The following AK8 variants were observed in gnomAD, a reference collection of about 807,000 sequenced individuals.
AK8 encodes the protein adenylate kinase 8, also known as ATP-AMP transphosphorylase 8.
Under a neutral mutation model 54.6 loss-of-function variants are expected in AK8, and 44 were observed. The observed-to-expected ratio is 0.81, with a 90% CI of 0.63 to 1.04. The LOEUF (loss-of-function observed/expected upper bound fraction) is 1.04, where lower values mean the gene tolerates loss of function less well. Among genes scored for constraint, AK8 ranks in the 50% least tolerant of loss-of-function variants. AK8 has a pLI of 0.00. For missense variants in AK8, 555 were observed against 613.6 expected, an observed-to-expected ratio of 0.90 and a Z score of 1.01; for synonymous variants, 239 against 245.6, an observed-to-expected ratio of 0.97 and a Z score of 0.25.
chr9:132,819,345 C>T (rs771701953), intron 9 of AK8, among the ~76,000 whole-genome samples: 4 of 152,106 alleles, frequency 2.6e-5, no homozygotes, highest in Admixed American at 6.5e-5. Flanking sequence ...GCAAATACTA[C>T]GCCATTTTGT....
chr9:132,743,513 C>G (rs901475094), intron 11 of AK8, among the ~76,000 whole-genome samples: 1 of 152,222 alleles, frequency 6.6e-6, no homozygotes, highest in African/African-American at 2.4e-5. Context: ...CGCTACCCAC[C>G]GCCAGATTCC....
At chr9:132,845,560 C>T (rs147625108) in intron 5 of AK8, among the ~76,000 whole-genome samples, 21 of 152,178 alleles carry the variant, frequency 1.4e-4, no homozygotes, top group East Asian at 3.9e-4. Context: ...GAGGCCCAGG[C>T]GAGGGGATCA....
chr9:132,805,188 C>T (rs746195709), intron 10 of AK8, among the ~76,000 whole-genome samples: 1 of 152,216 alleles, frequency 6.6e-6, no homozygotes, highest in African/African-American at 2.4e-5. Flanking sequence ...GGGCTGCCCA[C>T]GGAGAGGGAA....
chr9:132,832,850 T>C (rs1273717921), intron 5 of AK8, among the ~76,000 whole-genome samples: 1 of 152,184 alleles, frequency 6.6e-6, no homozygotes. Flanking sequence ...TGGAGTGTCA[T>C]TCTGGTGCAG....
At chr9:132,751,702 AAAG>A (rs940507048) in intron 11 of AK8, among the ~76,000 whole-genome samples, 1 of 151,912 alleles carries the variant, frequency 6.6e-6, no homozygotes, top group African/African-American at 2.4e-5. Context: ...AAATGCTCTC[AAAG>A]AAGTACTGTG....
intron 11 of AK8, among the ~76,000 whole-genome samples, chr9:132,746,805 C>A (rs1837674953): frequency 6.6e-6 from 1 of 152,118 alleles, no homozygotes; most frequent in African/African-American, 2.4e-5. Flanking sequence ...TCAGTCTCTG[C>A]CTCGAGGATG....
At chr9:132,763,437 AGTTTAGCCTAAG>A (rs999079838) in intron 11 of AK8, among the ~76,000 whole-genome samples, 8 of 152,258 alleles carry the variant, frequency 5.3e-5, no homozygotes, top group African/African-American at 1.9e-4. Flanking sequence ...TCTTCAATTA[AGTTTAGCCTAAG>A]GCTGCCATCT....
At chr9:132,814,878 CAAGTAAAAGTAAATATCAAA>C in intron 9 of AK8, 151 bp from the exon 10 acceptor site, 1 of 551,668 alleles carries the variant, frequency 1.8e-6, no homozygotes, top group South Asian at 2.8e-5. Flanking sequence ...GGTATGTGTC[CAAGTAAAAGTAAATATCAAA>C]AAGGAGCCGG....
chr9:132,797,806 C>T lies in AK8; in HGVS notation c.980-5031G>A, dbSNP rs117774371. Among the ~76,000 whole-genome samples the T allele has an allele frequency of 3.6e-3, 547 of 152,300 alleles. 2 individuals carry two copies. Among genetic ancestry groups the T allele is most frequent in the Admixed American group, 8.6e-3 (132 of 15,296 alleles). ...AAGTGACAAAGGACACAATCTCCCC[C>T]GAAGGCCATGGGCGGCTCTCCCTTT... On this transcript the variant is annotated intron_variant, in intron 10 of 12. Transcript: ENST00000298545.
chr9:132,859,158 T>A (rs1416419540), intron 4 of AK8, among the ~76,000 whole-genome samples: 1 of 152,218 alleles, frequency 6.6e-6, no homozygotes. Flanking sequence ...CAGGCAGGAC[T>A]GGGAAGCAAC....
intron 5 of AK8, among the ~76,000 whole-genome samples, chr9:132,854,462 C>A (rs919357470): frequency 3.3e-5 from 5 of 152,196 alleles, no homozygotes; most frequent in African/African-American, 1.2e-4. Flanking sequence ...TTCACTGGGT[C>A]TGGCAGGAGA....
rs1179728625 is a variant in AK8 at position 132,860,567 on chromosome 9, G to C, written c.333+3098C>G. Among the ~76,000 whole-genome samples the C allele has an allele frequency of 6.6e-6, 1 of 152,240 alleles. No individual in the cohort carries two copies. The highest frequency in any genetic ancestry group is 2.1e-4 in the South Asian group (1 of 4,836). On this transcript the variant is annotated intron_variant, in intron 4 of 12. Coordinates refer to ENST00000298545, the MANE Select transcript of AK8 (RefSeq NM_152572.3). The surrounding 1 kb of genome is among the most constrained non-coding windows in gnomAD (Gnocchi z 4.4). ...GGGGAGCTGGAGGTGTCTCTCTAGA[G>C]GTGGGCATTCTACAGGACTAGACAG...
At chr9:132,727,392 G>C (rs1836625937) in intron 12 of AK8, 62 bp downstream of exon 12, 1 of 1,479,694 alleles carries the variant, frequency 6.8e-7, no homozygotes. Flanking sequence ...GCATTGGTCA[G>C]TCAGTTGGGT....
chr9:132,875,033 A>AGGC, intron 2 of AK8, 82 bp downstream of exon 2: 1 of 1,542,976 alleles, frequency 6.5e-7, no homozygotes, highest in Non-Finnish European at 8.9e-7. Flanking sequence ...GAGGAGGAGG[A>AGGC]GGCAGAGGAG....
chr9:132,847,815 T>C (rs1354566409), intron 5 of AK8, among the ~76,000 whole-genome samples: 2 of 151,820 alleles, frequency 1.3e-5, no homozygotes, highest in African/African-American at 4.8e-5. Context: ...ACCTTGTCTC[T>C]ACAAAAAATA....
intron 9 of AK8, among the ~76,000 whole-genome samples, chr9:132,815,139 G>A (rs574501315): frequency 1.3e-3 from 202 of 152,314 alleles, no homozygotes; most frequent in Non-Finnish European, 2.4e-3. Flanking sequence ...CCTCAAGTGC[G>A]TCCACATTTG....
At chr9:132,732,043 T>A (rs2130941975) in intron 11 of AK8, among the ~76,000 whole-genome samples, 1 of 152,342 alleles carries the variant, frequency 6.6e-6, no homozygotes, top group South Asian at 2.1e-4. Context: ...AATACCCGTG[T>A]GATAGTTATT....
chr9:132,875,355 T>A, intron 1 of AK8, 156 bp from the exon 2 acceptor site: 1 of 976,758 alleles, frequency 1.0e-6, no homozygotes, highest in Non-Finnish European at 1.2e-6. Flanking sequence ...TCTGCTTGGG[T>A]CCCCATGAGC....
At chr9:132,863,625 G>A (rs753232316) in intron 4 of AK8, 40 bp downstream of exon 4, 1 of 1,441,424 alleles carries the variant, frequency 6.9e-7, no homozygotes, top group Non-Finnish European at 9.7e-7. Context: ...AGTGGGCACT[G>A]CTGCTGTGTG....
Sources: allele counts gnomAD v4.1 joint callset (sites outside exome capture counted in the v4.1 genomes callset), GRCh38; gene constraint gnomAD v4.1.1; non-coding constraint Gnocchi (gnomAD v3.1); transcripts MANE v1.5; gene names NCBI Gene and HGNC (gene_info 2026-07-23, HGNC 2026-07-21).